AQP5: variants seen among roughly 807,000 people sequenced by gnomAD.
The protein encoded by AQP5 is aquaporin 5.
A neutral mutation model predicts 19.1 loss-of-function variants in AQP5; 15 were observed. The ratio of observed to expected loss-of-function variants is 0.79; its 90% CI spans 0.53 to 1.21. AQP5 has a LOEUF of 1.21. AQP5 is among the 50% of genes most tolerant of loss of function. The pLI is 0.00. For missense variants in AQP5, 355 were observed against 357.1 expected, an observed-to-expected ratio of 0.99 and a Z score of 0.05; for synonymous variants, 182 against 160.3, an observed-to-expected ratio of 1.14 and a Z score of -1.02.
At chr12:49,963,408 C>T in intron 1 of AQP5, 84 bp from the exon 2 acceptor site, 1 of 1,555,548 alleles carries the variant, frequency 6.4e-7, no homozygotes. Flanking sequence ...CTAAGTGTCC[C>T]TGGAGGCCAA....
chr12:49,964,659 C>T (rs967787101), intron 3 of AQP5: 140 of 985,120 alleles, frequency 1.4e-4, no homozygotes, highest in Non-Finnish European at 1.3e-4. Context: ...AGGGGACACG[C>T]GCTCTGTTCA....
At chr12:49,964,892 C>G in intron 3 of AQP5, 100 bp from the exon 4 acceptor site, 1 of 1,502,130 alleles carries the variant, frequency 6.7e-7, no homozygotes, top group Non-Finnish European at 8.8e-7. Context: ...GCATGTCTGT[C>G]TCCTCTCAGG....
In AQP5 at chr12:49,962,288, G is replaced by T. The variant is rs1282149881; in HGVS notation, c.271G>T (p.Val91Leu). ...QISLLRAFFY[V>L]AAQLVGAIAG... The stretch of plus-strand genomic sequence containing the variant: ...CTCGCTGCTCCGGGCTTTCTTCTAC[G>T]TGGCGGCCCAGCTGGTGGGCGCCAT... Residue 91 changes from valine to leucine, a missense_variant, in exon 1 of 4, where the codon GTG becomes TTG. Coordinates refer to ENST00000293599, the MANE Select transcript of AQP5 (RefSeq NM_001651.4). 1.2e-5 allele frequency: 20 copies of T among 1,607,680 alleles called. No homozygotes were observed. Among genetic ancestry groups the T allele is most frequent in the Non-Finnish European group, 1.5e-5 (18 of 1,179,886 alleles).
chr12:49,963,849 G>A (rs1783042233), intron 2 of AQP5, 193 bp downstream of exon 2: 3 of 890,338 alleles, frequency 3.4e-6, no homozygotes, highest in Non-Finnish European at 5.0e-6. Flanking sequence ...GAGGAAAGAT[G>A]GGAGTAAGTA....
chr12:49,962,037 C>G lies in AQP5; in HGVS notation c.20C>G (p.Ser7Cys). The G allele has an allele frequency of 6.3e-7, 1 of 1,592,136 alleles. No homozygotes were observed. The highest frequency in any genetic ancestry group is 8.6e-7 in the Non-Finnish European group (1 of 1,164,558). MKKEVC[S>C]VAFLKAVFAE... ...GCCACCATGAAGAAGGAGGTGTGCT[C>G]CGTGGCCTTCCTCAAGGCCGTGTTC... is the stretch of plus-strand genomic sequence containing the variant. Residue 7 changes from serine (S) to cysteine (C), a missense_variant, in exon 1 of 4, where the codon TCC becomes TGC. Transcript: ENST00000293599.
chr12:49,963,829 C>A, intron 2 of AQP5, 173 bp downstream of exon 2: 1 of 1,021,598 alleles, frequency 9.8e-7, no homozygotes, highest in Non-Finnish European at 1.4e-6. Context: ...CCCCCCAAAA[C>A]CTCTGGGCTG....
chr12:49,963,733 C>T (rs1947456012), intron 2 of AQP5, 77 bp downstream of exon 2: 7 of 1,529,862 alleles, frequency 4.6e-6, no homozygotes, highest in Non-Finnish European at 5.3e-6. Flanking sequence ...TGGAGCGGAG[C>T]CCACTTCAGA....
At chr12:49,963,887 C>T (rs1212628704) in intron 2 of AQP5, 6 of 768,110 alleles carry the variant, frequency 7.8e-6, no homozygotes, top group Admixed American at 2.8e-5. Context: ...GGAATCAAAC[C>T]CAACCTCAGA....
At position 49,962,377 on chromosome 12, in the gene AQP5, CG is replaced by C. The variant is rs746171117; in HGVS notation, c.361del (p.Ala121ArgfsTer16). The C allele has an allele frequency of 1.2e-5, 18 of 1,523,224 alleles. No individual in the cohort carries two copies. Among genetic ancestry groups the C allele is most frequent in the Non-Finnish European group, 8.7e-7 (1 of 1,149,162 alleles). The allele number at this position is 1,523,224 out of a possible 1,614,324, so 94.4% of individuals were successfully genotyped here. ...ATGCCCGGGGCAATCTGGCCGTCAA[CG>C]CGGTGAGTGCCCTGGGGGGGGGGTG... ...LNARGNLAVN[A>X]LNNNTTQGQA... On this transcript the variant is annotated frameshift_variant and splice_region_variant, in exon 1 of 4. Transcript: ENST00000293599. LOFTEE classifies it high-confidence loss of function.
At position 49,962,010 on chromosome 12, in the gene AQP5, C is replaced by G; in HGVS notation, c.-8C>G. The G allele has an allele frequency of 1.4e-6, 2 of 1,391,696 alleles. No homozygotes were observed. Among genetic ancestry groups the G allele is most frequent in the South Asian group, 3.6e-5 (2 of 54,914 alleles). The allele number at this position is 1,391,696 out of a possible 1,614,324, so 86.2% of individuals were successfully genotyped here. A position where few individuals can be genotyped will look rare whatever the true frequency, so the allele number is the denominator to read the frequency against. ...CGCGGCAGCTGCCGCCGGGCCCCCGCGGCCACCATGAAGAAGGAGGTGTGC... is the reference window on the plus strand; with the variant it reads ...CGCGGCAGCTGCCGCCGGGCCCCCGGGGCCACCATGAAGAAGGAGGTGTGC... On this transcript the variant is annotated 5_prime_UTR_variant, in exon 1 of 4. Coordinates refer to ENST00000293599, the MANE Select transcript of AQP5 (RefSeq NM_001651.4).
chr12:49,965,015 G>A lies in AQP5; in HGVS notation c.636G>A (p.Val212=), dbSNP rs574167227. 13 of 1,613,782 alleles carry A rather than the reference G, an allele frequency of 8.1e-6. No individual in the cohort carries two copies. In the Admixed American group the frequency reaches 1.2e-4, roughly 14 times the overall value. The change falls in exon 4 of 4, where the codon GTG becomes GTA. Residue 212 remains valine (V), a synonymous_variant. Coordinates refer to ENST00000293599, the MANE Select transcript of AQP5 (RefSeq NM_001651.4). ...AGGTTTTCTGGGTAGGGCCCATCGT[G>A]GGGGCGGTCCTGGCTGCCATCCTTT... ...AHWVFWVGPI[V]GAVLAAILYF...
At chr12:49,963,987 G>T in intron 2 of AQP5, 105 bp from the exon 3 acceptor site, 1 of 1,197,340 alleles carries the variant, frequency 8.4e-7, no homozygotes, top group Non-Finnish European at 1.2e-6. Context: ...CTGAGTTTGA[G>T]ACCTGGCTGA....
intron 1 of AQP5, 39 bp from the exon 2 acceptor site, chr12:49,963,452 CA>C (rs1947451151): frequency 6.2e-7 from 1 of 1,605,712 alleles, no homozygotes; most frequent in African/African-American, 1.3e-5. Flanking sequence ...GCTATACAGC[CA>C]GAAGGTGGCC....
intron 2 of AQP5, 32 bp downstream of exon 2, chr12:49,963,688 G>A (rs1429215371): frequency 6.2e-7 from 1 of 1,600,056 alleles, no homozygotes; most frequent in Non-Finnish European, 8.5e-7. Flanking sequence ...CTGGGGTGAG[G>A]GTGGGGCAGG....
At chr12:49,962,495 A>ACCAGGAAGGCAAGAGACTCCCAAGG (rs1947439140) in intron 1 of AQP5, 115 bp downstream of exon 1, 1 of 1,014,538 alleles carries the variant, frequency 9.9e-7, no homozygotes, top group Non-Finnish European at 1.3e-6. Flanking sequence ...CACACCCTTC[A>ACCAGGAAGGCAAGAGACTCCCAAGG]CCAGGAAGGC....
At position 49,961,964 on chromosome 12, in the gene AQP5, G is replaced by A; in HGVS notation, c.-54G>A. On this transcript the variant is annotated 5_prime_UTR_variant, in exon 1 of 4. Coordinates refer to ENST00000293599, the MANE Select transcript of AQP5 (RefSeq NM_001651.4). ...CGCATCCACCTCCTCCGCCGCCTGC[G>A]ACCCAACGGGCGCCCCCCGCCGCGG... The A allele has an allele frequency of 8.0e-7, 1 of 1,247,336 alleles. No individual in the cohort carries two copies. Among genetic ancestry groups the A allele is most frequent in the South Asian group, 2.8e-5 (1 of 35,620 alleles). 77.3% of individuals were successfully genotyped at this position (1,247,336 alleles called of 1,614,324 possible). A position where few individuals can be genotyped will look rare whatever the true frequency, so the allele number is the denominator to read the frequency against.
rs147053469 is a variant in AQP5, at chr12:49,963,633, G to A, written c.505G>A (p.Val169Ile). The change falls in exon 2 of 4, where the codon GTC becomes ATC. Residue 169 changes from valine (V) to isoleucine (I), a missense_variant. Physicochemically the swap from Val to Ile is conservative, Grantham distance 29. Transcript: ENST00000293599. ...GSPALSIGLSVTLGHLVGIYF... is the reference protein window; with the variant it reads ...GSPALSIGLSITLGHLVGIYF... ...CCCAGCCCTGTCCATTGGCCTGTCT[G>A]TCACCCTGGGCCACCTTGTCGGAGT... 6.2e-7 allele frequency: 1 copy of A among 1,613,670 alleles called. No homozygotes were observed. Among genetic ancestry groups the A allele is most frequent in the Non-Finnish European group, 8.5e-7 (1 of 1,180,012 alleles).
chr12:49,962,564 C>T, intron 1 of AQP5, 184 bp downstream of exon 1: 1 of 928,482 alleles, frequency 1.1e-6, no homozygotes, highest in Admixed American at 3.3e-5. Flanking sequence ...CCCTTCCTGC[C>T]CACCTCCTCT....
intron 3 of AQP5, 101 bp from the exon 4 acceptor site, chr12:49,964,891 T>C (rs1947472479): frequency 2.0e-6 from 3 of 1,502,134 alleles, no homozygotes; most frequent in Non-Finnish European, 2.7e-6. Flanking sequence ...TGCATGTCTG[T>C]CTCCTCTCAG....
Sources: gnomAD v4.1 joint callset for allele counts on GRCh38, gnomAD v4.1.1 for gene constraint, MANE v1.5 for transcripts, NCBI Gene and HGNC (gene_info 2026-07-23, HGNC 2026-07-21) for gene names.